The following GPC6 variants were observed in gnomAD, a reference collection of about 807,000 sequenced individuals.
GPC6 encodes glypican-6.
In GPC6, 14 loss-of-function variants were observed where a neutral mutation model predicts 55.2. The observed-to-expected ratio is 0.25, with a 90% CI of 0.17 to 0.40. The LOEUF is 0.40. Ranked by LOEUF, GPC6 falls within the 10% of genes least tolerant of loss-of-function variation. The probability of loss-of-function intolerance (pLI) is 1.00; values close to 1 mark genes in which losing one functional copy is unlikely to be tolerated. For missense variants in GPC6, 641 were observed against 708.5 expected (o/e 0.90, Z 1.08); for synonymous variants, 278 against 259.6 (o/e 1.07, Z -0.68).
intron 4 of GPC6, among the ~76,000 whole-genome samples, chr13:94,192,113 G>A (rs1889415430): frequency 6.6e-6 from 1 of 151,948 alleles, no homozygotes; most frequent in African/African-American, 2.4e-5. Context: ...ATCTTCCATA[G>A]CATTTACTTA....
intron 1 of GPC6, among the ~76,000 whole-genome samples, chr13:93,265,406 A>G (rs1877289259): frequency 6.6e-6 from 1 of 152,230 alleles, no homozygotes; most frequent in African/African-American, 2.4e-5. Context: ...CCATAAGTAG[A>G]GAATTCTACA....
intron 4 of GPC6, among the ~76,000 whole-genome samples, chr13:94,240,110 G>A (rs1264752293): frequency 6.6e-6 from 1 of 152,034 alleles, no homozygotes; most frequent in African/African-American, 2.4e-5. Flanking sequence ...AAGTAGGATG[G>A]ACCCTCTGGG....
intron 6 of GPC6, among the ~76,000 whole-genome samples, chr13:94,349,262 A>G (rs935809609): frequency 2.0e-5 from 3 of 152,172 alleles, no homozygotes; most frequent in Non-Finnish European, 4.4e-5. Flanking sequence ...TGCCTCTCCT[A>G]CATGAGCACT....
At chr13:94,392,462 C>T (rs1880693490) in intron 7 of GPC6, among the ~76,000 whole-genome samples, 1 of 121,360 alleles carries the variant, frequency 8.2e-6, no homozygotes, top group Non-Finnish European at 1.7e-5. Context: ...GAGTTTAGCT[C>T]TTGTGGCCCA....
chr13:93,864,273 C>G (rs1888897828), intron 3 of GPC6, among the ~76,000 whole-genome samples: 1 of 151,676 alleles, frequency 6.6e-6, no homozygotes, highest in Non-Finnish European at 1.5e-5. Flanking sequence ...TCTGTGAAAG[C>G]TATGCTCAAA....
At chr13:93,516,257 T>C (rs2813600) in intron 1 of GPC6, among the ~76,000 whole-genome samples, 143,503 of 152,238 alleles carry the variant, frequency 0.94, 68,203 homozygotes, top group East Asian at 1. Flanking sequence ...TGTGCAGTTT[T>C]CTATGTTGCA....
intron 2 of GPC6, among the ~76,000 whole-genome samples, chr13:93,793,686 G>A (rs1038786013): frequency 8.5e-5 from 13 of 152,206 alleles, no homozygotes; most frequent in African/African-American, 2.6e-4. Context: ...TTTTATGATG[G>A]TGATGAAGAT....
chr13:94,097,352 A>G (rs1195260559), intron 4 of GPC6, among the ~76,000 whole-genome samples: 2 of 151,858 alleles, frequency 1.3e-5, no homozygotes, highest in Non-Finnish European at 2.9e-5. Context: ...AACAAAAACA[A>G]AAAAATTAGC....
Position 93,702,484 on chromosome 13 carries a change from C to T in GPC6, c.320-127670C>T, listed in dbSNP as rs186867327. Among the ~76,000 whole-genome samples, 429 of 152,042 alleles carry T rather than the reference C, an allele frequency of 2.8e-3. 2 individuals carry two copies. Among genetic ancestry groups the T allele is most frequent in the Middle Eastern group, 0.027 (8 of 294 alleles). ...GAGCATTGGCTTCAACTTTAAGTCA[C>T]CAGTTTCATTAGCCCCTAATGAGGG... On this transcript the variant is annotated intron_variant, in intron 2 of 8. Coordinates refer to ENST00000377047, the MANE Select transcript of GPC6 (RefSeq NM_005708.5).
intron 1 of GPC6, among the ~76,000 whole-genome samples, chr13:93,349,130 A>G (rs974622874): frequency 1.2e-4 from 18 of 152,204 alleles, no homozygotes; most frequent in Non-Finnish European, 1.5e-5. Flanking sequence ...CAGAAGAGAA[A>G]TGAATTCGGT....
At chr13:94,128,708 A>T (rs978742683) in intron 4 of GPC6, among the ~76,000 whole-genome samples, 2 of 152,196 alleles carry the variant, frequency 1.3e-5, no homozygotes, top group Non-Finnish European at 2.9e-5. Flanking sequence ...CAATGCTGCC[A>T]TGTGACCAGA....
chr13:93,412,554 G>C (rs1876547371), intron 1 of GPC6, among the ~76,000 whole-genome samples: 1 of 152,154 alleles, frequency 6.6e-6, no homozygotes, highest in South Asian at 2.1e-4. Context: ...CTACTTGGGA[G>C]GCTGAAGCAG....
Position 94,136,603 on chromosome 13 carries a change from G to C in GPC6, c.877+108709G>C, listed in dbSNP as rs556006091. ...TGGGTGCCTGTAGTCCCAGCCACTC[G>C]GGAGGCTGAGGCAGGAGAATGGCGT... On this transcript the variant is annotated intron_variant, in intron 4 of 8. Transcript: ENST00000377047. Among the ~76,000 whole-genome samples the C allele has an allele frequency of 2.2e-4, 33 of 152,236 alleles. 1 individual carries two copies. In the South Asian group the frequency reaches 5.4e-3, roughly 25 times the overall value.
At chr13:93,469,558 A>AGGAAT (rs1388343499) in intron 1 of GPC6, among the ~76,000 whole-genome samples, 5 of 152,084 alleles carry the variant, frequency 3.3e-5, no homozygotes, top group Non-Finnish European at 7.4e-5. Context: ...TGGCCATGAT[A>AGGAAT]GGAATATGAA....
intron 3 of GPC6, among the ~76,000 whole-genome samples, chr13:93,950,850 AC>A (rs1879223135): frequency 6.6e-6 from 1 of 151,918 alleles, no homozygotes. Flanking sequence ...TAAAGGAGAA[AC>A]CACAAGTTCT....
chr13:93,754,911 AG>A (rs1017910779), intron 2 of GPC6, among the ~76,000 whole-genome samples: 4 of 152,276 alleles, frequency 2.6e-5, no homozygotes, highest in Admixed American at 2.6e-4. Flanking sequence ...GGAACTCCTG[AG>A]TTAATCCCAA....
At chr13:94,029,285 T>C (rs1403711122) in intron 4 of GPC6, among the ~76,000 whole-genome samples, 1 of 152,174 alleles carries the variant, frequency 6.6e-6, no homozygotes, top group Non-Finnish European at 1.5e-5. Flanking sequence ...CTCCCCACAG[T>C]GGGAGGACAA....
At chr13:93,467,851 A>G (rs537167811) in intron 1 of GPC6, among the ~76,000 whole-genome samples, 3 of 151,994 alleles carry the variant, frequency 2.0e-5, no homozygotes, top group Non-Finnish European at 2.9e-5. Context: ...AAGGCCTCCC[A>G]AAGTGTTGAG....
At chr13:93,709,309 G>T (rs1042064205) in intron 2 of GPC6, among the ~76,000 whole-genome samples, 1 of 151,746 alleles carries the variant, frequency 6.6e-6, no homozygotes, top group Non-Finnish European at 1.5e-5. Context: ...ATAACCTTCT[G>T]TGTGTGGCTG....
Sources: allele counts gnomAD v4.1 joint callset (sites outside exome capture counted in the v4.1 genomes callset), GRCh38; gene constraint gnomAD v4.1.1; transcripts MANE v1.5; gene names NCBI Gene and HGNC (gene_info 2026-07-23, HGNC 2026-07-21).